Variants in RFX7 observed in about 807,000 individuals in gnomAD.
RFX7 encodes DNA-binding protein RFX7.
RFX7 carries 26 observed loss-of-function variants against 111.8 expected under a neutral mutation model. The ratio of observed to expected loss-of-function variants is 0.23; its 90% CI spans 0.17 to 0.32. The LOEUF (loss-of-function observed/expected upper bound fraction) is 0.32. Among genes scored for constraint, RFX7 ranks in the 10% least tolerant of loss-of-function variants. The pLI, the probability that RFX7 is intolerant of heterozygous loss-of-function variation, is 1.00. For synonymous variants in RFX7, 624 were observed against 624.4 expected (o/e 1.00, Z 0.01); for missense variants, 1,573 against 1,772.9 (o/e 0.89, Z 2.02).
intron 2 of RFX7, among the ~76,000 whole-genome samples, chr15:56,218,347 G>T (rs993582003): frequency 2.0e-5 from 3 of 151,820 alleles, no homozygotes; most frequent in Non-Finnish European, 2.9e-5. Flanking sequence ...GGCCAGACTG[G>T]TCTTGAACTC....
intron 5 of RFX7, among the ~76,000 whole-genome samples, chr15:56,117,305 G>A (rs1459570626): frequency 6.6e-6 from 1 of 152,122 alleles, no homozygotes; most frequent in Non-Finnish European, 1.5e-5. Context: ...TCATATGGGT[G>A]TTAGGGTGGG....
At chr15:56,111,656 T>TAAACCAAAAAAAAAAAAAAAAAA (rs2041933509) in intron 5 of RFX7, among the ~76,000 whole-genome samples, 5 of 20,246 alleles carry the variant, frequency 2.5e-4, no homozygotes, top group African/African-American at 3.5e-4. Context: ...AAAAAATAAA[T>TAAACCAAAAAAAAAAAAAAAAAA]AAACCAAAAA....
chr15:56,127,706 C>A (rs1363798103), intron 5 of RFX7, among the ~76,000 whole-genome samples: 1 of 151,712 alleles, frequency 6.6e-6, no homozygotes, highest in Non-Finnish European at 1.5e-5. Flanking sequence ...CGCCACCATG[C>A]CCGGCTAATT....
intron 5 of RFX7, among the ~76,000 whole-genome samples, chr15:56,137,611 T>C (rs1181239451): frequency 6.6e-6 from 1 of 152,140 alleles, no homozygotes; most frequent in Non-Finnish European, 1.5e-5. Flanking sequence ...TGTCTCTATT[T>C]CCTTCAGTTC....
chr15:56,097,843 G>A (rs1000825028), intron 9 of RFX7, among the ~76,000 whole-genome samples: 1 of 150,524 alleles, frequency 6.6e-6, no homozygotes, highest in Non-Finnish European at 1.5e-5. Flanking sequence ...AGCTCTGAGT[G>A]GTTATGTGCA....
At chr15:56,112,084 C>T (rs1288660297) in intron 5 of RFX7, among the ~76,000 whole-genome samples, 2 of 149,506 alleles carry the variant, frequency 1.3e-5, no homozygotes, top group Non-Finnish European at 3.0e-5. Context: ...CACTGCACTC[C>T]AGGCTGGGCA....
At chr15:56,129,638 T>C (rs1471731623) in intron 5 of RFX7, among the ~76,000 whole-genome samples, 1 of 152,194 alleles carries the variant, frequency 6.6e-6, no homozygotes, top group East Asian at 1.9e-4. Flanking sequence ...GAGAGCACAC[T>C]GCCCTGAAAA....
chr15:56,132,700 A>T (rs767026236), intron 5 of RFX7, among the ~76,000 whole-genome samples: 8 of 152,140 alleles, frequency 5.3e-5, no homozygotes, highest in Non-Finnish European at 1.2e-4. Context: ...TACTTATTTA[A>T]AAATTAACTA....
chr15:56,206,942 G>C (rs914908427), intron 2 of RFX7, among the ~76,000 whole-genome samples: 6 of 152,156 alleles, frequency 3.9e-5, no homozygotes, highest in Middle Eastern at 3.4e-3. Context: ...CCTAGCATTT[G>C]CTAGCACAAC....
intron 2 of RFX7, among the ~76,000 whole-genome samples, chr15:56,215,586 C>T (rs2043355815): frequency 6.6e-6 from 1 of 152,080 alleles, no homozygotes; most frequent in Non-Finnish European, 1.5e-5. Flanking sequence ...CTTGTGGCTT[C>T]AATTTGCTAA....
intron 5 of RFX7, among the ~76,000 whole-genome samples, chr15:56,138,957 G>A (rs2042347045): frequency 6.6e-6 from 1 of 152,094 alleles, no homozygotes; most frequent in African/African-American, 2.4e-5. Context: ...ACTCTCTTCT[G>A]GCTTGTAGGG....
At chr15:56,221,824 T>G (rs529344375) in intron 2 of RFX7, among the ~76,000 whole-genome samples, 4 of 152,204 alleles carry the variant, frequency 2.6e-5, no homozygotes, top group Non-Finnish European at 5.9e-5. Context: ...CTGTTCTCTG[T>G]GCTGTTTCAC....
At chr15:56,238,814 G>A (rs7181011) in intron 2 of RFX7, among the ~76,000 whole-genome samples, 16,057 of 151,950 alleles carry the variant, frequency 0.11, 1,011 homozygotes, top group African/African-American at 0.15. Flanking sequence ...ATGTGCTTCC[G>A]ACTTATTTAT....
At chr15:56,099,235 C>T (rs1017850201) in intron 8 of RFX7, among the ~76,000 whole-genome samples, 2 of 152,124 alleles carry the variant, frequency 1.3e-5, no homozygotes, top group Admixed American at 6.5e-5. Context: ...TGCTGGTACA[C>T]CTTGCCCTTT....
At position 56,094,295 on chromosome 15, in the gene RFX7, C is replaced by A. The variant is rs747528557; in HGVS notation, c.3433G>T (p.Val1145Phe). ...CCTTTATTATCAAGAGGGGCAGGGA[C>A]TGCAAAACCCTCCTGTTTGTTGGTG... is the stretch of plus-strand genomic sequence containing the variant. ...NNTNKQEGFA[V>F]PAPLDNKGTN... Residue 1145 changes from valine to phenylalanine, a missense_variant, in exon 10 of 10, where the codon GTC (valine) becomes TTC (phenylalanine). This residue lies in a region of RFX7 where 411 missense variants were observed against 478.1 expected (regional missense o/e 0.86). Transcript: ENST00000559447. 1 of 1,614,000 alleles carries A rather than the reference C, an allele frequency of 6.2e-7. No individual in the cohort carries two copies. Among genetic ancestry groups the A allele is most frequent in the South Asian group, 1.1e-5 (1 of 91,078 alleles).
chr15:56,146,588 T>C (rs1279585937), intron 3 of RFX7, among the ~76,000 whole-genome samples: 3 of 152,018 alleles, frequency 2.0e-5, no homozygotes, highest in African/African-American at 7.2e-5. Flanking sequence ...ATTTTAAATA[T>C]ACTGGAAAAA....
chr15:56,089,830 C>T lies in RFX7; in HGVS notation c.*3515G>A, dbSNP rs543037270. The T allele has an allele frequency of 6.6e-6, 1 of 152,256 alleles. No homozygotes were observed. Among genetic ancestry groups the T allele is most frequent in the Non-Finnish European group, 1.5e-5 (1 of 68,056 alleles). 9.4% of individuals were successfully genotyped at this position (152,256 alleles called of 1,614,324 possible). ...CTCCACTCCTTTCCTTTTGTAATTG[C>T]TTCTACCACCTGTTCAAACTGAGGG... On this transcript the variant is annotated 3_prime_UTR_variant, in exon 10 of 10. Transcript: ENST00000559447.
chr15:56,112,379 C>CAAAAAAAAAAAAAAAAAAAAAGAACAAAA (rs2041950440), intron 5 of RFX7, among the ~76,000 whole-genome samples: 1 of 71,768 alleles, frequency 1.4e-5, no homozygotes, highest in African/African-American at 5.7e-5. Context: ...GAGTACAAAT[C>CAAAAAAAAAAAAAAAAAAAAAGAACAAAA]AAAAAAAAAA....
chr15:56,133,580 C>T (rs1940617772), intron 5 of RFX7, among the ~76,000 whole-genome samples: 1 of 152,076 alleles, frequency 6.6e-6, no homozygotes, highest in South Asian at 2.1e-4. Flanking sequence ...CATTTAGGCA[C>T]TCTAAACAGG....
Sources: allele counts gnomAD v4.1 joint callset (sites outside exome capture counted in the v4.1 genomes callset), GRCh38; gene constraint gnomAD v4.1.1; regional missense constraint gnomAD v4.1.1; transcripts MANE v1.5; gene names NCBI Gene and HGNC (gene_info 2026-07-23, HGNC 2026-07-21).